The following PZP variants were observed in gnomAD, a reference collection of about 807,000 sequenced individuals.
The protein encoded by PZP is pregnancy zone protein.
In PZP, 150 loss-of-function variants were observed where a neutral mutation model predicts 179.8. That is an observed-to-expected ratio of 0.83 (90% CI 0.73 to 0.96). The LOEUF (loss-of-function observed/expected upper bound fraction) is 0.96, where lower values mean the gene tolerates loss of function less well. Ranked by LOEUF, PZP falls within the 40% of genes least tolerant of loss-of-function variation. PZP has a pLI of 0.00. For synonymous variants in PZP, 624 were observed against 652.3 expected, an observed-to-expected ratio of 0.96 and a Z score of 0.66; for missense variants, 1,689 against 1,764.0, an observed-to-expected ratio of 0.96 and a Z score of 0.76.
At chr12:9,203,500 C>A (rs1245746095) in intron 2 of PZP, among the ~76,000 whole-genome samples, 1 of 152,014 alleles carries the variant, frequency 6.6e-6, no homozygotes, top group South Asian at 2.1e-4. Flanking sequence ...TGCCACTACG[C>A]CCGGCTAATT....
chr12:9,157,335 G>T lies in PZP; in HGVS notation c.3390C>A (p.Ala1130=). ...TCCAGGCTGACTCCAGGCAGAACAGGGCATTGCGAACAATAGGGTTCTGTA... is the reference window on the plus strand; with the variant it reads ...TCCAGGCTGACTCCAGGCAGAACAGTGCATTGCGAACAATAGGGTTCTGTA... ...LPVTNPIVRN[A]LFCLESAWNV... Residue 1130 remains alanine (A), a synonymous_variant, in exon 28 of 36, where the codon GCC becomes GCA. Coordinates refer to ENST00000261336, the MANE Select transcript of PZP (RefSeq NM_002864.3). 1 of 1,613,738 alleles carries T rather than the reference G, an allele frequency of 6.2e-7. No homozygotes were observed. Among genetic ancestry groups the T allele is most frequent in the Non-Finnish European group, 8.5e-7 (1 of 1,179,894 alleles).
chr12:9,196,451 A>G lies in PZP; in HGVS notation c.983-12T>C. The G allele has an allele frequency of 6.3e-7, 1 of 1,595,352 alleles. No homozygotes were observed. Among genetic ancestry groups the G allele is most frequent in the Non-Finnish European group, 8.6e-7 (1 of 1,163,328 alleles). ...AGTGACTTCCAGGTCTGAAAAATAT[A>G]AAGAGTCAGTACTTTTAGAAGTTAC... On this transcript the variant is annotated splice_polypyrimidine_tract_variant and intron_variant, in intron 9 of 35. Transcript: ENST00000261336.
chr12:9,173,029 TCTC>T (rs988965712), intron 15 of PZP, among the ~76,000 whole-genome samples: 2 of 152,240 alleles, frequency 1.3e-5, no homozygotes, highest in Non-Finnish European at 2.9e-5. Context: ...TATACATTCT[TCTC>T]ATTGCCACAT....
At chr12:9,146,650 A>G (rs1940024930), downstream of PZP, among the ~76,000 whole-genome samples, 1 of 152,152 alleles carries the variant, frequency 6.6e-6, no homozygotes. Context: ...GTATAGGAGA[A>G]GGTTCCTATC....
chr12:9,160,989 G>A, intron 23 of PZP, 44 bp downstream of exon 23: 1 of 1,405,366 alleles, frequency 7.1e-7, no homozygotes, highest in Non-Finnish European at 1.0e-6. Flanking sequence ...GATGTACAGT[G>A]GCAACTCTTT....
Position 9,150,285 on chromosome 12 carries a change from G to C in PZP, c.4384+359C>G, listed in dbSNP as rs190863603. ...GTAAGTTTTTGTTTTGTTTTGTGTT[G>C]TTTTTTCTTTTTTTTGAGACGGAGT... On this transcript the variant is annotated intron_variant, in intron 34 of 35. Transcript: ENST00000261336. Among the ~76,000 whole-genome samples the C allele has an allele frequency of 2.1e-3, 314 of 152,124 alleles. 1 individual carries two copies. Among genetic ancestry groups the C allele is most frequent in the Non-Finnish European group, 3.5e-3 (237 of 67,978 alleles).
At chr12:9,171,713 G>A (rs1272887279) in intron 15 of PZP, among the ~76,000 whole-genome samples, 2 of 152,106 alleles carry the variant, frequency 1.3e-5, no homozygotes, top group East Asian at 3.9e-4. Context: ...ATCAGTAGCA[G>A]GATAGACCAA....
intron 13 of PZP, among the ~76,000 whole-genome samples, chr12:9,191,303 T>G (rs907964130): frequency 1.3e-5 from 2 of 152,076 alleles, no homozygotes; most frequent in African/African-American, 4.8e-5. Context: ...TGAAGAACAA[T>G]GTACACAGTG....
At position 9,196,408 on chromosome 12, in the gene PZP, T is replaced by C; in HGVS notation, c.1014A>G (p.Glu338=). The part of the protein sequence containing the change: ...DLEVTANRIS[E]ITNIVSKLKF... ...TGAGTTTGGATACAATGTTTGTGAT[T>C]TCACTGATCCTGTTTGCAGTGACTT... is the stretch of plus-strand genomic sequence containing the variant. Residue 338 remains glutamate, a synonymous_variant, in exon 10 of 36, where the codon GAA becomes GAG. Coordinates refer to ENST00000261336, the MANE Select transcript of PZP (RefSeq NM_002864.3). 1 of 1,613,718 alleles carries C rather than the reference T, an allele frequency of 6.2e-7. No homozygotes were observed. Among genetic ancestry groups the C allele is most frequent in the Non-Finnish European group, 8.5e-7 (1 of 1,179,624 alleles).
chr12:9,197,041 G>T lies in PZP; in HGVS notation c.838C>A (p.Gln280Lys). 6.2e-7 allele frequency: 1 copy of T among 1,613,204 alleles called. No homozygotes were observed. The highest frequency in any genetic ancestry group is 1.1e-5 in the South Asian group (1 of 91,034). Reference protein sequence around the residue: ...KLSRVLNCDKQEVCEEFSQQL... With the variant: ...KLSRVLNCDKKEVCEEFSQQL... ...TGACTGAATTCCTCACAGACCTCCT[G>T]CTTGTCACAATTAAGAACACGAGAT... Residue 280 changes from glutamine (Q) to lysine (K), a missense_variant, in exon 8 of 36, where the codon CAG (glutamine) becomes AAG (lysine). This residue lies in a region of PZP where 742 missense variants were observed against 730.5 expected (regional missense o/e 1.02). Coordinates refer to ENST00000261336, the MANE Select transcript of PZP (RefSeq NM_002864.3).
Position 9,203,932 on chromosome 12 carries a change from G to T in PZP, c.103C>A (p.Pro35Thr). ...GGGGCCTCAGTGTGGAGCAGGGAGG[G>T]GACCAGCACCATATACTGCCTGGGA... is the stretch of plus-strand genomic sequence containing the variant. ...STEPQYMVLV[P>T]SLLHTEAPKK... Residue 35 changes from proline (P) to threonine (T), a missense_variant, in exon 2 of 36, where the codon CCC becomes ACC. This residue lies in a region of PZP where 742 missense variants were observed against 730.5 expected (regional missense o/e 1.02). Coordinates refer to ENST00000261336, the MANE Select transcript of PZP (RefSeq NM_002864.3). 6.2e-7 allele frequency: 1 copy of T among 1,613,362 alleles called. No homozygotes were observed. The highest frequency in any genetic ancestry group is 8.5e-7 in the Non-Finnish European group (1 of 1,179,456).
intron 13 of PZP, among the ~76,000 whole-genome samples, chr12:9,187,461 A>G (rs1943197352): frequency 6.6e-6 from 1 of 152,234 alleles, no homozygotes. Context: ...ATTTAGAAAA[A>G]TGAAATCATA....
intron 32 of PZP, 59 bp from the exon 33 acceptor site, chr12:9,151,731 G>T: frequency 7.3e-7 from 1 of 1,365,264 alleles, no homozygotes; most frequent in Admixed American, 1.8e-5. Context: ...AATGGTGTGA[G>T]ATCTAGAGCA....
chr12:9,182,190 A>G (rs1274295120), intron 13 of PZP, 73 bp from the exon 14 acceptor site: 7 of 1,460,222 alleles, frequency 4.8e-6, no homozygotes, highest in Non-Finnish European at 6.5e-6. Flanking sequence ...TGTCATAAGG[A>G]CACTATTGCT....
At chr12:9,171,660 G>T (rs1942009896) in intron 15 of PZP, among the ~76,000 whole-genome samples, 1 of 152,172 alleles carries the variant, frequency 6.6e-6, no homozygotes, top group South Asian at 2.1e-4. Flanking sequence ...ACCTGATGGA[G>T]CTGAAAACCG....
chr12:9,165,438 T>C, intron 18 of PZP, 71 bp from the exon 19 acceptor site: 2 of 1,543,648 alleles, frequency 1.3e-6, no homozygotes, highest in Non-Finnish European at 1.8e-6. Context: ...AGAATTAATA[T>C]GCATAAAGCT....
Position 9,169,572 on chromosome 12 carries a change from A to G in PZP, c.1859T>C (p.Val620Ala), listed in dbSNP as rs747675295. ...SVSSVYNLLT[V>A]KDLTNFPDNV... ...GTCAGGAAAATTGGTGAGATCCTTC[A>G]CAGTTAGCAGATTATATACCTGTAG... The change falls in exon 16 of 36, where the codon GTG (valine) becomes GCG (alanine). Residue 620 changes from valine to alanine, a missense_variant. Physicochemically the swap from Val to Ala is moderately conservative, Grantham distance 64. Transcript: ENST00000261336. The G allele has an allele frequency of 6.2e-7, 1 of 1,612,592 alleles. No homozygotes were observed. Among genetic ancestry groups the G allele is most frequent in the South Asian group, 1.1e-5 (1 of 90,732 alleles).
downstream of PZP, chr12:9,148,742 T>C (rs757388925): frequency 4.1e-6 from 2 of 483,590 alleles, no homozygotes; most frequent in East Asian, 3.6e-5. Flanking sequence ...TGCTAACCTA[T>C]TAGAATCCAA....
intron 11 of PZP, among the ~76,000 whole-genome samples, chr12:9,192,992 C>A (rs1943545442): frequency 6.6e-6 from 1 of 152,076 alleles, no homozygotes; most frequent in Admixed American, 6.5e-5. Flanking sequence ...TCCTCCTGCC[C>A]CTCAGAACTA....
Sources: gnomAD v4.1 joint callset for allele counts (sites outside exome capture counted in the v4.1 genomes callset) on GRCh38, gnomAD v4.1.1 for gene constraint, gnomAD v4.1.1 regional missense constraint, MANE v1.5 for transcripts, NCBI Gene and HGNC (gene_info 2026-07-23, HGNC 2026-07-21) for gene names.